The following SRGAP3 variants were observed in gnomAD, a reference collection of about 807,000 sequenced individuals.
SRGAP3 encodes SLIT-ROBO Rho GTPase activating protein 3.
Under a neutral mutation model 121.1 loss-of-function variants are expected in SRGAP3, and 39 were observed. The observed-to-expected ratio is 0.32, with a 90% CI of 0.25 to 0.42. The LOEUF is 0.42. Ranked by LOEUF, SRGAP3 falls within the 10% of genes least tolerant of loss-of-function variation. The pLI, the probability that SRGAP3 is intolerant of heterozygous loss-of-function variation, is 1.00. For synonymous variants in SRGAP3, 601 were observed against 570.0 expected (o/e 1.05, Z -0.77); for missense variants, 1,213 against 1,470.6 (o/e 0.82, Z 2.86).
intron 3 of SRGAP3, among the ~76,000 whole-genome samples, chr3:9,276,216 C>CTTT (rs1559255667): frequency 6.6e-6 from 1 of 152,172 alleles, no homozygotes; most frequent in Non-Finnish European, 1.5e-5. Flanking sequence ...GTCAGCCACT[C>CTTT]TTTAATGGGT....
intron 3 of SRGAP3, among the ~76,000 whole-genome samples, chr3:9,256,478 G>T (rs1268595855): frequency 1.3e-5 from 2 of 152,028 alleles, no homozygotes. Flanking sequence ...GAGTTAGCTG[G>T]CCCTGTGGAT....
intron 2 of SRGAP3, among the ~76,000 whole-genome samples, chr3:9,105,093 G>A (rs1948372218): frequency 6.6e-6 from 1 of 152,248 alleles, no homozygotes; most frequent in South Asian, 2.1e-4. Context: ...TGAATGTGGT[G>A]CTTGCTCCAG....
intron 18 of SRGAP3, among the ~76,000 whole-genome samples, chr3:8,998,368 G>C (rs1193078867): frequency 6.6e-6 from 1 of 152,094 alleles, no homozygotes; most frequent in Non-Finnish European, 1.5e-5. Context: ...GTACTCAAAT[G>C]TCATTGCCTT....
intron 1 of SRGAP3, among the ~76,000 whole-genome samples, chr3:9,168,849 T>C (rs966693810): frequency 6.6e-6 from 1 of 152,244 alleles, no homozygotes; most frequent in African/African-American, 2.4e-5. Flanking sequence ...AACATGAATA[T>C]GCATATTTAT....
chr3:9,237,176 C>A (rs1323649107), intron 1 of SRGAP3, among the ~76,000 whole-genome samples: 1 of 152,176 alleles, frequency 6.6e-6, no homozygotes. Flanking sequence ...TATGCAAAGT[C>A]CATCACAAGA....
At chr3:9,059,849 A>C (rs965897978) in intron 6 of SRGAP3, 1 of 315,050 alleles carries the variant, frequency 3.2e-6, no homozygotes, top group African/African-American at 2.2e-5. Flanking sequence ...CAAACATTTT[A>C]CTAATAACAT....
intron 4 of SRGAP3, among the ~76,000 whole-genome samples, chr3:9,073,307 C>G (rs2125241885): frequency 6.6e-6 from 1 of 152,204 alleles, no homozygotes; most frequent in Middle Eastern, 3.4e-3. Context: ...ACATGCCTTG[C>G]TAATTTTTTG....
Position 8,994,392 on chromosome 3 carries a change from T to C in SRGAP3, c.2359A>G (p.Asn787Asp). The change falls in exon 19 of 22, where the codon AAC becomes GAC. Residue 787 changes from asparagine to aspartate, a missense_variant. This residue lies in a region of SRGAP3 where 793 missense variants were observed against 1,032.9 expected (regional missense o/e 0.77). Coordinates refer to ENST00000383836, the MANE Select transcript of SRGAP3 (RefSeq NM_014850.4). ...TGGGGGATGAGTCCATCCACGCCGT[T>C]GTGCCGGCCCTCCCACCAGTCCTCC... Reference protein sequence around the residue: ...ASEDWWEGRHNGVDGLIPHQY... With the variant: ...ASEDWWEGRHDGVDGLIPHQY... 6.2e-7 allele frequency: 1 copy of C among 1,614,208 alleles called. No homozygotes were observed.
chr3:9,259,381 C>T (rs77944715), intron 3 of SRGAP3, among the ~76,000 whole-genome samples: 2,215 of 152,196 alleles, frequency 0.015, 25 homozygotes, highest in Non-Finnish European at 0.025. Flanking sequence ...TGGGCTCAAG[C>T]GATCCTCCCC....
chr3:9,048,527 A>G (rs1305530119), intron 9 of SRGAP3, among the ~76,000 whole-genome samples: 1 of 152,210 alleles, frequency 6.6e-6, no homozygotes, highest in Non-Finnish European at 1.5e-5. Context: ...GCTACGGATA[A>G]AAAGAAAGCA....
chr3:9,009,224 G>A (rs989960372), intron 18 of SRGAP3, among the ~76,000 whole-genome samples: 3 of 152,178 alleles, frequency 2.0e-5, no homozygotes, highest in African/African-American at 7.2e-5. Context: ...CCAGTTCCCA[G>A]AACTGTCACC....
At chr3:9,117,870 G>A (rs1158317005) in intron 2 of SRGAP3, among the ~76,000 whole-genome samples, 2 of 152,110 alleles carry the variant, frequency 1.3e-5, no homozygotes, top group Non-Finnish European at 2.9e-5. Flanking sequence ...TATAATCGCA[G>A]TGTTTTGGGT....
chr3:9,108,751 G>GT (rs1948511762), intron 2 of SRGAP3, among the ~76,000 whole-genome samples: 1 of 152,200 alleles, frequency 6.6e-6, no homozygotes, highest in Admixed American at 6.5e-5. Flanking sequence ...GGATGGGTAG[G>GT]TGGGTGGGTG....
intron 3 of SRGAP3, among the ~76,000 whole-genome samples, chr3:9,285,494 G>A (rs943946871): frequency 1.2e-4 from 18 of 152,054 alleles, no homozygotes; most frequent in Non-Finnish European, 2.2e-4. Flanking sequence ...GAAAAAAAAT[G>A]TCCTCATCTC....
At chr3:8,992,477 C>G (rs1942114917) in intron 20 of SRGAP3, among the ~76,000 whole-genome samples, 1 of 152,142 alleles carries the variant, frequency 6.6e-6, no homozygotes, top group Admixed American at 6.5e-5. Context: ...TTTCCTTCAA[C>G]ACATGAGTAG....
At chr3:9,353,995 G>C (rs1326076104) in intron 1 of SRGAP3, among the ~76,000 whole-genome samples, 5 of 152,146 alleles carry the variant, frequency 3.3e-5, no homozygotes, top group Admixed American at 3.3e-4. Context: ...CAGTGCGGGG[G>C]ATCAAGAGAT....
At chr3:9,295,961 T>C (rs1954947934) in intron 3 of SRGAP3, among the ~76,000 whole-genome samples, 1 of 152,226 alleles carries the variant, frequency 6.6e-6, no homozygotes, top group African/African-American at 2.4e-5. Context: ...ACTTGCTGTA[T>C]TTATCAGAAT....
At chr3:9,142,829 C>CTTTTTTTTTTTTTTT (rs397795766) in intron 1 of SRGAP3, among the ~76,000 whole-genome samples, 7 of 90,830 alleles carry the variant, frequency 7.7e-5, no homozygotes, top group African/African-American at 1.8e-4. Flanking sequence ...GGGCAATTTC[C>CTTTTTTTTTTTTTTT]TTTTTTTTTT....
intron 9 of SRGAP3, 48 bp downstream of exon 9, chr3:9,052,979 C>T (rs528640288): frequency 6.2e-7 from 1 of 1,602,800 alleles, no homozygotes; most frequent in African/African-American, 1.3e-5. Flanking sequence ...AAAGTCACTG[C>T]CAGTGGCTTG....
Sources: gnomAD v4.1 joint callset for allele counts (sites outside exome capture counted in the v4.1 genomes callset) on GRCh38, gnomAD v4.1.1 for gene constraint, gnomAD v4.1.1 regional missense constraint, MANE v1.5 for transcripts, NCBI Gene and HGNC (gene_info 2026-07-23, HGNC 2026-07-21) for gene names.